Variants in TMEM212 observed in about 807,000 individuals in gnomAD.
TMEM212 encodes transmembrane protein 212.
Under a neutral mutation model 20.5 loss-of-function variants are expected in TMEM212, and 23 were observed. That is an observed-to-expected ratio of 1.12 (90% CI 0.81 to 1.59). The LOEUF (loss-of-function observed/expected upper bound fraction) is 1.59. Ranked by LOEUF, TMEM212 falls within the 40% of genes most tolerant of loss-of-function variation. The probability of loss-of-function intolerance (pLI) is 0.00; values close to 1 mark genes in which losing one functional copy is unlikely to be tolerated. For synonymous variants in TMEM212, 76 were observed against 81.6 expected, an observed-to-expected ratio of 0.93 and a Z score of 0.37; for missense variants, 211 against 215.0, an observed-to-expected ratio of 0.98 and a Z score of 0.12.
intron 2 of TMEM212, 92 bp downstream of exon 2, chr3:171,852,133 C>A: frequency 9.8e-7 from 1 of 1,021,448 alleles, no homozygotes; most frequent in Non-Finnish European, 1.5e-6. Context: ...ATATGATTTC[C>A]AATTAGAATT....
chr3:171,856,932 T>C (rs1725132171), intron 4 of TMEM212: 1 of 358,142 alleles, frequency 2.8e-6, no homozygotes, highest in African/African-American at 2.1e-5. Flanking sequence ...GAAATGTTAA[T>C]TAAACATGCT....
At chr3:171,851,749 G>C (rs1724981773) in intron 1 of TMEM212, among the ~76,000 whole-genome samples, 1 of 152,170 alleles carries the variant, frequency 6.6e-6, no homozygotes, top group South Asian at 2.1e-4. Context: ...AGGCAACATA[G>C]AGAATCAAAA....
chr3:171,851,062 T>C (rs1417771120), intron 1 of TMEM212, among the ~76,000 whole-genome samples: 2 of 152,230 alleles, frequency 1.3e-5, no homozygotes, highest in African/African-American at 4.8e-5. Context: ...TCATGCTTAT[T>C]TCTCTGTCAA....
chr3:171,843,818 A>T (rs3850190), intron 1 of TMEM212, among the ~76,000 whole-genome samples: 128,434 of 152,214 alleles, frequency 0.84, 54,787 homozygotes, highest in Middle Eastern at 0.96. Context: ...ATTTTAATCC[A>T]CTTAACTTGA....
rs1212734478 is a variant in TMEM212, at chr3:171,858,723, CAAGA to C, written c.*669_*672del. 177 of 151,724 alleles carry C rather than the reference CAAGA, an allele frequency of 1.2e-3. No homozygotes were observed. The highest frequency in any genetic ancestry group is 4.0e-3 in the African/African-American group (166 of 41,148). 9.4% of individuals were successfully genotyped at this position (151,724 alleles called of 1,614,324 possible). On this transcript the variant is annotated 3_prime_UTR_variant, in exon 5 of 5. Transcript: ENST00000334567. ...TCTACAAAGAACTTAAACAAATTTA[CAAGA>C]AAAAAACAAACAACCACATCAAAAA... is the stretch of plus-strand genomic sequence containing the variant.
chr3:171,856,803 A>G (rs1399694868), intron 4 of TMEM212, 96 bp downstream of exon 4: 1 of 464,310 alleles, frequency 2.2e-6, no homozygotes, highest in Admixed American at 3.8e-5. Flanking sequence ...AACAAGCTTT[A>G]TATAAGGTAG....
At position 171,859,122 on chromosome 3, in the gene TMEM212, G is replaced by A. The variant is rs182767324; in HGVS notation, c.*1065G>A. 36 of 152,254 alleles carry A rather than the reference G, an allele frequency of 2.4e-4. No homozygotes were observed. Among genetic ancestry groups the A allele is most frequent in the African/African-American group, 8.2e-4 (34 of 41,518 alleles). The allele number at this position is 152,254 out of a possible 1,614,324, so 9.4% of individuals were successfully genotyped here. ...CAATGGGAACACTTGGACACAGGGT[G>A]GGGAACATCACACACTGGGGCCTTT... On this transcript the variant is annotated 3_prime_UTR_variant, in exon 5 of 5. Coordinates refer to ENST00000334567, the MANE Select transcript of TMEM212 (RefSeq NM_001164436.2).
chr3:171,852,853 A>T (rs1725015660), intron 2 of TMEM212, among the ~76,000 whole-genome samples: 2 of 152,260 alleles, frequency 1.3e-5, no homozygotes. Context: ...TTTAATGTAC[A>T]TGTAAATCAA....
chr3:171,844,373 C>A (rs1435097371), intron 1 of TMEM212, among the ~76,000 whole-genome samples: 1 of 152,112 alleles, frequency 6.6e-6, no homozygotes, highest in African/African-American at 2.4e-5. Flanking sequence ...CTGGAGAATT[C>A]AATATTGAAG....
rs772445099 is a variant in TMEM212 at position 171,853,677 on chromosome 3, T to A, written c.370T>A (p.Phe124Ile). The change falls in exon 3 of 5, where the codon TTT (phenylalanine) becomes ATT (isoleucine). Residue 124 changes from phenylalanine to isoleucine, a missense_variant. Physicochemically the swap from Phe to Ile is conservative, Grantham distance 21. Transcript: ENST00000334567. ...TAATTACCTTGGCTATGCAGTTACC[T>A]TTCCTTATCCATATGCAAAATTCCC... ...GTNYLGYAVT[F>I]PYPYAKFPLA... The A allele has an allele frequency of 3.3e-6, 5 of 1,537,392 alleles. No individual in the cohort carries two copies. In the South Asian group the frequency reaches 4.8e-5, roughly 15 times the overall value.
At chr3:171,857,245 CAT>C (rs1725141017) in intron 4 of TMEM212, among the ~76,000 whole-genome samples, 1 of 151,900 alleles carries the variant, frequency 6.6e-6, no homozygotes, top group African/African-American at 2.4e-5. Context: ...AACTCACACA[CAT>C]GGAATCAAGT....
At chr3:171,848,629 G>C (rs1025845267) in intron 1 of TMEM212, among the ~76,000 whole-genome samples, 2 of 151,652 alleles carry the variant, frequency 1.3e-5, no homozygotes, top group Non-Finnish European at 2.9e-5. Flanking sequence ...GAACAGAGTA[G>C]AGTGGAGTGG....
intron 1 of TMEM212, 129 bp downstream of exon 1, chr3:171,843,671 A>C: frequency 1.4e-6 from 1 of 737,876 alleles, no homozygotes; most frequent in Non-Finnish European, 2.0e-6. Context: ...AAAAAATCAG[A>C]ATCCGCCTTG....
At chr3:171,852,626 T>A (rs1026551364) in intron 2 of TMEM212, among the ~76,000 whole-genome samples, 4 of 152,240 alleles carry the variant, frequency 2.6e-5, no homozygotes, top group Non-Finnish European at 5.9e-5. Context: ...AATGGATCTA[T>A]AGGCTTCTCT....
chr3:171,846,274 T>TA (rs1192875226), intron 1 of TMEM212, among the ~76,000 whole-genome samples: 1 of 152,210 alleles, frequency 6.6e-6, no homozygotes, highest in Non-Finnish European at 1.5e-5. Context: ...AACACTTTTT[T>TA]ATGGAGGTTT....
chr3:171,844,980 T>C (rs370738618), intron 1 of TMEM212, among the ~76,000 whole-genome samples: 145 of 152,316 alleles, frequency 9.5e-4, no homozygotes, highest in African/African-American at 3.1e-3. Context: ...GGAGAGTCGA[T>C]GGAATGAGGA....
At chr3:171,845,129 G>GGATGCATCTGGAA (rs1724802597) in intron 1 of TMEM212, among the ~76,000 whole-genome samples, 1 of 151,922 alleles carries the variant, frequency 6.6e-6, no homozygotes, top group Non-Finnish European at 1.5e-5. Context: ...AGAAATATTT[G>GGATGCATCTGGAA]TTTAAGTTCT....
intron 3 of TMEM212, among the ~76,000 whole-genome samples, chr3:171,855,713 C>A (rs376448331): frequency 2.6e-5 from 4 of 152,176 alleles, no homozygotes; most frequent in African/African-American, 9.6e-5. Flanking sequence ...GCTCAGATGT[C>A]GTTTAATTCC....
intron 2 of TMEM212, among the ~76,000 whole-genome samples, 154 bp downstream of exon 2, chr3:171,852,195 G>A (rs1411947459): frequency 6.6e-6 from 1 of 151,838 alleles, no homozygotes; most frequent in Non-Finnish European, 1.5e-5. Flanking sequence ...AATAAACTCT[G>A]TTTTAAAAGA....
Sources: gnomAD v4.1 joint callset for allele counts (sites outside exome capture counted in the v4.1 genomes callset) on GRCh38, gnomAD v4.1.1 for gene constraint, MANE v1.5 for transcripts, NCBI Gene and HGNC (gene_info 2026-07-23, HGNC 2026-07-21) for gene names.